The following RANBP17 variants were observed in gnomAD, a reference collection of about 807,000 sequenced individuals.
RANBP17 encodes RAN binding protein 17, also known as ran-binding protein 17.
RANBP17 carries 158 observed loss-of-function variants against 141.2 expected under a neutral mutation model. The ratio of observed to expected loss-of-function variants is 1.12; its 90% confidence interval spans 0.98 to 1.28. The LOEUF (loss-of-function observed/expected upper bound fraction) is 1.28. RANBP17 is among the 50% of genes most tolerant of loss of function. The probability of loss-of-function intolerance (pLI) is 0.00; values close to 1 mark genes in which losing one functional copy is unlikely to be tolerated. For synonymous variants in RANBP17, 430 were observed against 450.0 expected, an observed-to-expected ratio of 0.96 and a Z score of 0.56; for missense variants, 1,438 against 1,290.7, an observed-to-expected ratio of 1.11 and a Z score of -1.75.
intron 14 of RANBP17, among the ~76,000 whole-genome samples, chr5:171,134,643 GTAA>G (rs1757148928): frequency 6.6e-6 from 1 of 152,214 alleles, no homozygotes; most frequent in South Asian, 2.1e-4. Context: ...TTAGGCCAGT[GTAA>G]TACTCTTTTG....
intron 14 of RANBP17, among the ~76,000 whole-genome samples, chr5:171,117,597 G>A (rs1216484131): frequency 6.6e-6 from 1 of 152,004 alleles, no homozygotes; most frequent in Non-Finnish European, 1.5e-5. Context: ...AGGTTCAAGC[G>A]ATTCTCTTGC....
chr5:171,265,545 C>G, intron 24 of RANBP17, 136 bp from the exon 25 acceptor site: 1 of 797,782 alleles, frequency 1.3e-6, no homozygotes, highest in Non-Finnish European at 2.0e-6. Context: ...AAACAAATTC[C>G]TGCCCTCAAA....
intron 14 of RANBP17, among the ~76,000 whole-genome samples, chr5:171,146,459 A>C (rs1758035545): frequency 6.6e-6 from 1 of 152,202 alleles, no homozygotes; most frequent in African/African-American, 2.4e-5. Context: ...AGGGGTCAAC[A>C]TAGTTAAGTA....
At chr5:171,038,466 G>C (rs971283480) in intron 14 of RANBP17, among the ~76,000 whole-genome samples, 1 of 151,914 alleles carries the variant, frequency 6.6e-6, no homozygotes, top group Admixed American at 6.6e-5. Context: ...ATGCTGTGGC[G>C]AGGGCTTCCA....
intron 5 of RANBP17, chr5:170,904,375 A>G (rs1194799459): frequency 1.1e-5 from 2 of 184,682 alleles, no homozygotes; most frequent in Non-Finnish European, 2.3e-5. Flanking sequence ...TTTTATCAGC[A>G]CTCATACAGG....
chr5:171,128,493 G>GAGAT (rs1243559288), intron 14 of RANBP17, among the ~76,000 whole-genome samples: 4 of 152,144 alleles, frequency 2.6e-5, no homozygotes, highest in African/African-American at 9.7e-5. Flanking sequence ...TAGAATGATG[G>GAGAT]CTACCAGAGG....
intron 14 of RANBP17, among the ~76,000 whole-genome samples, chr5:171,083,717 C>T (rs1785411915): frequency 1.3e-5 from 2 of 152,124 alleles, no homozygotes; most frequent in Admixed American, 1.3e-4. Context: ...GGGAGGAACC[C>T]AGTGGGAGGT....
intron 14 of RANBP17, among the ~76,000 whole-genome samples, chr5:170,975,502 G>A (rs1172001288): frequency 1.3e-5 from 2 of 152,112 alleles, no homozygotes; most frequent in Non-Finnish European, 2.9e-5. Flanking sequence ...CTCCAGCCTG[G>A]GTGACAGAGT....
intron 14 of RANBP17, among the ~76,000 whole-genome samples, chr5:171,155,438 G>A (rs1465764306): frequency 6.6e-6 from 1 of 151,986 alleles, no homozygotes; most frequent in Non-Finnish European, 1.5e-5. Flanking sequence ...TTCAGCAAAT[G>A]AGCATTTACT....
At position 170,878,200 on chromosome 5, in the gene RANBP17, C is replaced by T. The variant is rs1388030327; in HGVS notation, c.122C>T (p.Pro41Leu). The T allele has an allele frequency of 6.2e-7, 1 of 1,611,598 alleles. No individual in the cohort carries two copies. Among genetic ancestry groups the T allele is most frequent in the Non-Finnish European group, 8.5e-7 (1 of 1,179,008 alleles). Residue 41 changes from proline (P) to leucine (L), a missense_variant, in exon 2 of 28, where the codon CCA (proline) becomes CTA (leucine). By Grantham distance (98) the Pro-to-Leu change is moderately conservative (BLOSUM62 -3). Transcript: ENST00000523189. ...EKALLELIDS[P>L]ECLSKCQLLL... is the part of the protein sequence containing the mutation. ...GCACTCTTGGAACTTATTGACAGTCCAGAATGTCTCAGCAAGTGTCAACTT... is the reference window on the plus strand; with the variant it reads ...GCACTCTTGGAACTTATTGACAGTCTAGAATGTCTCAGCAAGTGTCAACTT...
intron 13 of RANBP17, among the ~76,000 whole-genome samples, chr5:170,958,598 C>T (rs980285367): frequency 3.3e-5 from 5 of 152,122 alleles, no homozygotes; most frequent in Non-Finnish European, 5.9e-5. Context: ...TGAAGATGTT[C>T]CAAATAATTG....
intron 12 of RANBP17, among the ~76,000 whole-genome samples, chr5:170,942,308 A>G (rs146346578): frequency 1.1e-4 from 16 of 152,336 alleles, no homozygotes; most frequent in East Asian, 3.9e-4. Context: ...CACAAAATGT[A>G]CAATAATATT....
chr5:171,226,124 A>G (rs1406298575), intron 22 of RANBP17, among the ~76,000 whole-genome samples: 1 of 152,238 alleles, frequency 6.6e-6, no homozygotes, highest in Non-Finnish European at 1.5e-5. Flanking sequence ...GAGCAACTTA[A>G]TAAAAGAAAT....
At chr5:171,214,980 T>G (rs908280039) in intron 21 of RANBP17, among the ~76,000 whole-genome samples, 1 of 152,098 alleles carries the variant, frequency 6.6e-6, no homozygotes, top group East Asian at 1.9e-4. Flanking sequence ...TTGCTGCACC[T>G]ATCAACCCAA....
At chr5:171,275,735 G>A (rs1395453326) in intron 25 of RANBP17, among the ~76,000 whole-genome samples, 1 of 152,134 alleles carries the variant, frequency 6.6e-6, no homozygotes, top group African/African-American at 2.4e-5. Context: ...GGCACAGTTT[G>A]ACATGGAATA....
intron 14 of RANBP17, among the ~76,000 whole-genome samples, chr5:171,134,855 G>A (rs1198575483): frequency 1.3e-5 from 2 of 151,886 alleles, no homozygotes; most frequent in Non-Finnish European, 2.9e-5. Context: ...CTGGGAAGCA[G>A]AGGTTATAGT....
At chr5:171,190,191 A>G in intron 18 of RANBP17, among the ~76,000 whole-genome samples, 1 of 152,206 alleles carries the variant, frequency 6.6e-6, no homozygotes, top group East Asian at 1.9e-4. Flanking sequence ...AGGGGGAAAG[A>G]AATTGGGTGT....
intron 4 of RANBP17, among the ~76,000 whole-genome samples, chr5:170,893,959 G>C (rs753122684): frequency 1.4e-4 from 21 of 152,110 alleles, no homozygotes; most frequent in Non-Finnish European, 2.2e-4. Flanking sequence ...CCCTGTCTAA[G>C]ATATAACTTC....
intron 14 of RANBP17, among the ~76,000 whole-genome samples, chr5:171,054,650 C>A (rs1007732591): frequency 1.3e-5 from 2 of 152,102 alleles, no homozygotes; most frequent in Non-Finnish European, 2.9e-5. Flanking sequence ...TACCTTTTGC[C>A]GACCTTCTGT....
Sources: gnomAD v4.1 joint callset for allele counts (sites outside exome capture counted in the v4.1 genomes callset) on GRCh38, gnomAD v4.1.1 for gene constraint, MANE v1.5 for transcripts, NCBI Gene and HGNC (gene_info 2026-07-23, HGNC 2026-07-21) for gene names.